The following RBFOX1 variants were observed in gnomAD, a reference collection of about 807,000 sequenced individuals.
RBFOX1 encodes the protein RNA binding fox-1 homolog 1.
A neutral mutation model predicts 57.7 loss-of-function variants in RBFOX1; 8 were observed. That is an observed-to-expected ratio of 0.14 (90% CI 0.08 to 0.25). RBFOX1 has a LOEUF of 0.25. Ranked by LOEUF, RBFOX1 falls within the 10% of genes least tolerant of loss-of-function variation. The probability of loss-of-function intolerance (pLI) is 1.00; values close to 1 mark genes in which losing one functional copy is unlikely to be tolerated. For synonymous variants in RBFOX1, 326 were observed against 222.4 expected (o/e 1.47, Z -4.15); for missense variants, 611 against 548.5 (o/e 1.11, Z -1.14).
At chr16:6,569,945 T>C (rs2097322188) in intron 2 of RBFOX1, among the ~76,000 whole-genome samples, 1 of 152,184 alleles carries the variant, frequency 6.6e-6, no homozygotes, top group East Asian at 1.9e-4. Context: ...AATAATAAAA[T>C]TCATTTTGGT....
At chr16:7,252,763 A>G (rs2094541201) in intron 4 of RBFOX1, among the ~76,000 whole-genome samples, 1 of 148,646 alleles carries the variant, frequency 6.7e-6, no homozygotes, top group African/African-American at 2.5e-5. Flanking sequence ...TATTATTTCC[A>G]CTTTTGATGG....
chr16:6,552,617 C>G (rs1258427593), intron 2 of RBFOX1, among the ~76,000 whole-genome samples: 1 of 152,110 alleles, frequency 6.6e-6, no homozygotes, highest in African/African-American at 2.4e-5. Flanking sequence ...ATTCATCATT[C>G]TTTTACCTTC....
chr16:6,815,316 C>T (rs763501916), intron 3 of RBFOX1, among the ~76,000 whole-genome samples: 14 of 152,048 alleles, frequency 9.2e-5, no homozygotes, highest in Non-Finnish European at 1.8e-4. Context: ...GGTCTTTGTG[C>T]CCCGTATTGT....
chr16:6,201,981 C>T (rs2097218334), intron 1 of RBFOX1, among the ~76,000 whole-genome samples: 1 of 152,156 alleles, frequency 6.6e-6, no homozygotes, highest in South Asian at 2.1e-4. Flanking sequence ...CCATTGTGAA[C>T]ATGTCAGAGT....
chr16:7,248,515 G>C (rs2094395095), intron 4 of RBFOX1, among the ~76,000 whole-genome samples: 1 of 152,182 alleles, frequency 6.6e-6, no homozygotes, highest in South Asian at 2.1e-4. Context: ...ATTAGGGGTA[G>C]CATTACTTAA....
chr16:6,991,832 G>A (rs1247891699), intron 3 of RBFOX1, among the ~76,000 whole-genome samples: 2 of 152,082 alleles, frequency 1.3e-5, no homozygotes, highest in African/African-American at 4.8e-5. Context: ...GACCCACCAG[G>A]CCCAGCCCAC....
chr16:6,298,145 GCTGT>G (rs2078357792), intron 1 of RBFOX1, among the ~76,000 whole-genome samples: 2 of 152,202 alleles, frequency 1.3e-5, no homozygotes, highest in South Asian at 4.1e-4. Context: ...GGCTCCTGCA[GCTGT>G]CTGTCATCAT....
chr16:6,880,009 C>G (rs980170408), intron 3 of RBFOX1, among the ~76,000 whole-genome samples: 1 of 152,126 alleles, frequency 6.6e-6, no homozygotes, highest in South Asian at 2.1e-4. Flanking sequence ...CTTAATCTTT[C>G]ATACTTGAAG....
At chr16:6,716,248 C>A (rs2064797293) in intron 3 of RBFOX1, among the ~76,000 whole-genome samples, 1 of 152,114 alleles carries the variant, frequency 6.6e-6, no homozygotes, top group Non-Finnish European at 1.5e-5. Context: ...ATGTATTTCC[C>A]CTTTGCCTGG....
At chr16:6,305,136 C>G (rs1382131375) in intron 1 of RBFOX1, among the ~76,000 whole-genome samples, 5 of 152,118 alleles carry the variant, frequency 3.3e-5, no homozygotes, top group Non-Finnish European at 7.3e-5. Flanking sequence ...TCGGGTTATC[C>G]CAAATCCTTC....
chr16:5,811,649 C>T (rs867444979), intron 3 of RBFOX1, among the ~76,000 whole-genome samples: 4 of 151,906 alleles, frequency 2.6e-5, no homozygotes, highest in East Asian at 1.9e-4. Flanking sequence ...CAGGGTTTCA[C>T]GATGTTGGCC....
chr16:6,493,380 C>T (rs932483796), intron 2 of RBFOX1, among the ~76,000 whole-genome samples: 6 of 152,142 alleles, frequency 3.9e-5, no homozygotes, highest in African/African-American at 7.2e-5. Context: ...TTCCCTGTTG[C>T]TGTACACACT....
intron 4 of RBFOX1, among the ~76,000 whole-genome samples, chr16:7,366,128 G>A (rs2097441170): frequency 6.7e-6 from 1 of 150,252 alleles, no homozygotes; most frequent in Non-Finnish European, 1.5e-5. Flanking sequence ...CACAGACATG[G>A]CAGCTGACCC....
chr16:7,125,912 A>G (rs1352731422), intron 4 of RBFOX1, among the ~76,000 whole-genome samples: 1 of 152,110 alleles, frequency 6.6e-6, no homozygotes, highest in East Asian at 1.9e-4. Flanking sequence ...GCAAAACTCC[A>G]TCTCTACTAA....
At chr16:5,775,188 G>T (rs1212813769) in intron 3 of RBFOX1, among the ~76,000 whole-genome samples, 1 of 152,086 alleles carries the variant, frequency 6.6e-6, no homozygotes, top group Non-Finnish European at 1.5e-5. Context: ...GGAGCTTTTG[G>T]AATACCCTAA....
intron 14 of RBFOX1, among the ~76,000 whole-genome samples, chr16:7,695,158 C>G (rs1265213439): frequency 6.6e-6 from 1 of 152,128 alleles, no homozygotes; most frequent in East Asian, 1.9e-4. Flanking sequence ...AGAGATATCC[C>G]TAGTCCTTTG....
At chr16:6,871,911 C>CTGTGTGTGTGTGTG (rs57684251) in intron 3 of RBFOX1, among the ~76,000 whole-genome samples, 71 of 129,668 alleles carry the variant, frequency 5.5e-4, no homozygotes, top group African/African-American at 1.7e-3. Flanking sequence ...GGGAGAGAGT[C>CTGTGTGTGTGTGTG]TGTGTGTGTG....
At chr16:6,850,506 G>C (rs375884428) in intron 3 of RBFOX1, among the ~76,000 whole-genome samples, 3 of 152,036 alleles carry the variant, frequency 2.0e-5, no homozygotes, top group East Asian at 1.9e-4. Context: ...TAAGAGAAGA[G>C]ATGGGAGAGG....
intron 2 of RBFOX1, among the ~76,000 whole-genome samples, chr16:6,653,396 G>T (rs558121127): frequency 3.3e-5 from 5 of 152,282 alleles, no homozygotes; most frequent in Admixed American, 3.3e-4. Flanking sequence ...CATGCCTAGT[G>T]CAAGGTCTAG....
Sources: gnomAD v4.1 joint callset for allele counts (sites outside exome capture counted in the v4.1 genomes callset) on GRCh38, gnomAD v4.1.1 for gene constraint, MANE v1.5 for transcripts, NCBI Gene and HGNC (gene_info 2026-07-23, HGNC 2026-07-21) for gene names.